Variants in NAPB observed in about 807,000 individuals in gnomAD.
NAPB encodes the protein NSF attachment protein beta.
In NAPB, 26 loss-of-function variants were observed where a neutral mutation model predicts 44.7. That is an observed-to-expected ratio of 0.58 (90% confidence interval 0.43 to 0.81). The LOEUF is 0.81. Among genes scored for constraint, NAPB ranks in the 30% least tolerant of loss-of-function variants. The pLI, the probability that NAPB is intolerant of heterozygous loss-of-function variation, is 0.00. For missense variants in NAPB, 315 were observed against 356.4 expected (o/e 0.88, Z 0.94); for synonymous variants, 120 against 116.8 (o/e 1.03, Z -0.18).
intron 3 of NAPB, 23 bp downstream of exon 3, chr20:23,397,049 T>C (rs1460863576): frequency 1.2e-6 from 2 of 1,607,328 alleles, no homozygotes; most frequent in Non-Finnish European, 8.5e-7. Context: ...AGAGATAGCA[T>C]GCTACATGCC....
intron 1 of NAPB, among the ~76,000 whole-genome samples, chr20:23,403,603 C>CGAAAAAAAAAAAAA (rs1985016884): frequency 8.3e-6 from 1 of 121,144 alleles, no homozygotes; most frequent in Non-Finnish European, 1.7e-5. Context: ...AACTATGTCT[C>CGAAAAAAAAAAAAA]AAAAAAAAAA....
intron 3 of NAPB, among the ~76,000 whole-genome samples, chr20:23,396,170 T>A (rs1321505148): frequency 6.6e-6 from 1 of 152,246 alleles, no homozygotes; most frequent in Non-Finnish European, 1.5e-5. Context: ...CTCATGTGCT[T>A]CTTTAATTGA....
chr20:23,397,956 G>A (rs927134554), intron 2 of NAPB, among the ~76,000 whole-genome samples: 6 of 152,118 alleles, frequency 3.9e-5, no homozygotes, highest in Non-Finnish European at 8.8e-5. Flanking sequence ...CTGGAGTGCT[G>A]GAAAAGAAAG....
At chr20:23,403,392 C>A (rs952103012) in intron 1 of NAPB, among the ~76,000 whole-genome samples, 2 of 152,172 alleles carry the variant, frequency 1.3e-5, no homozygotes, top group Admixed American at 1.3e-4. Context: ...CACCTGAGGT[C>A]AGGTGTTCGA....
Position 23,397,060 on chromosome 20 carries a change from T to C in NAPB, c.295+12A>G, listed in dbSNP as rs1984419962. 6.2e-7 allele frequency: 1 copy of C among 1,611,470 alleles called. No homozygotes were observed. The highest frequency in any genetic ancestry group is 1.3e-5 in the African/African-American group (1 of 74,890). On this transcript the variant is annotated intron_variant, in intron 3 of 10. Transcript: ENST00000377026. ...ACACAGAGATAGCATGCTACATGCC[T>C]GGCTGTCTTACCTTGGGGATCTGCC...
intron 5 of NAPB, 97 bp from the exon 6 acceptor site, chr20:23,390,361 C>A: frequency 9.8e-7 from 1 of 1,016,050 alleles, no homozygotes; most frequent in South Asian, 1.4e-5. Context: ...TAAACCTACT[C>A]TACCAGCAAA....
intron 1 of NAPB, among the ~76,000 whole-genome samples, chr20:23,411,534 G>A (rs1386663253): frequency 6.6e-6 from 1 of 151,994 alleles, no homozygotes; most frequent in Non-Finnish European, 1.5e-5. Flanking sequence ...AATGACTGGT[G>A]GTGTCACTGC....
chr20:23,405,345 GAA>G (rs1985168642), intron 1 of NAPB, among the ~76,000 whole-genome samples: 1 of 151,970 alleles, frequency 6.6e-6, no homozygotes, highest in Admixed American at 6.6e-5. Context: ...GAAAGAGAAT[GAA>G]AGAGAGAGAT....
At chr20:23,413,458 C>T (rs1600600913) in intron 1 of NAPB, among the ~76,000 whole-genome samples, 1 of 151,960 alleles carries the variant, frequency 6.6e-6, no homozygotes, top group Non-Finnish European at 1.5e-5. Context: ...ATAAACACCT[C>T]CCTAGAAAAA....
chr20:23,420,622 T>G (rs1201017069), intron 1 of NAPB, among the ~76,000 whole-genome samples: 1 of 151,994 alleles, frequency 6.6e-6, no homozygotes, highest in African/African-American at 2.4e-5. Context: ...GATACGGGCT[T>G]CAGCGTGGCG....
At chr20:23,407,007 C>T (rs1422227433) in intron 1 of NAPB, among the ~76,000 whole-genome samples, 1 of 152,096 alleles carries the variant, frequency 6.6e-6, no homozygotes, top group Non-Finnish European at 1.5e-5. Context: ...GAGAAAATGG[C>T]ATCTAGAGGA....
chr20:23,384,087 G>A (rs553748324), intron 7 of NAPB, among the ~76,000 whole-genome samples: 1 of 152,270 alleles, frequency 6.6e-6, no homozygotes, highest in African/African-American at 2.4e-5. Flanking sequence ...ACCAAATGTG[G>A]ATTGAAAATA....
At chr20:23,396,430 T>C (rs957147857) in intron 3 of NAPB, among the ~76,000 whole-genome samples, 6 of 152,232 alleles carry the variant, frequency 3.9e-5, no homozygotes, top group African/African-American at 1.2e-4. Flanking sequence ...AATGGACTGC[T>C]AAAAGAAAAA....
rs200464480 is a variant in NAPB, at chr20:23,403,603, C to CAA, written c.99-533_99-532dup. ...GGGCAACAAGAGCAAAACTATGTCT[C>CAA]AAAAAAAAAAAAGACTCAAACACAG... On this transcript the variant is annotated intron_variant, in intron 1 of 10. Coordinates refer to ENST00000377026, the MANE Select transcript of NAPB (RefSeq NM_022080.3). 1.5e-4 allele frequency among the ~76,000 whole-genome samples: 18 copies of CAA among 121,170 alleles called. 1 individual carries two copies. The highest frequency in any genetic ancestry group is 2.8e-4 in the South Asian group (1 of 3,616). 79.5% of individuals were successfully genotyped at this position (121,170 alleles called of 152,430 possible).
rs776730321 is a variant in NAPB at position 23,397,173 on chromosome 20, A to T, written c.194T>A (p.Phe65Tyr). The change falls in exon 3 of 11, where the codon TTT (phenylalanine) becomes TAT (tyrosine). Residue 65 changes from phenylalanine (F) to tyrosine (Y), a missense_variant. This residue lies in a region of NAPB where 179 missense variants were observed against 182.5 expected (regional missense o/e 0.98). Transcript: ENST00000377026. Reference sequence around the variant, plus strand: ...CATGTGGAGCTTGGCTGCCTGACAAAATGCGTTTCCTGCAGCTGAAGAAGA... The same window carrying T: ...CATGTGGAGCTTGGCTGCCTGACAATATGCGTTTCCTGCAGCTGAAGAAGA... ...AKNWSAAGNA[F>Y]CQAAKLHMQL... 1 of 1,612,148 alleles carries T rather than the reference A, an allele frequency of 6.2e-7. No homozygotes were observed. The highest frequency in any genetic ancestry group is 8.5e-7 in the Non-Finnish European group (1 of 1,178,560).
chr20:23,420,539 C>G (rs6048792), intron 1 of NAPB, among the ~76,000 whole-genome samples: 8,246 of 152,060 alleles, frequency 0.054, 457 homozygotes, highest in African/African-American at 0.14. Flanking sequence ...GCGTTCCAGG[C>G]GCCGGGGGCG....
intron 7 of NAPB, among the ~76,000 whole-genome samples, chr20:23,386,515 T>G (rs959299140): frequency 1.6e-4 from 25 of 152,194 alleles, no homozygotes; most frequent in African/African-American, 5.5e-4. Context: ...ATATCCTTTA[T>G]GAACATAGAC....
At chr20:23,390,638 G>A (rs1983875742) in intron 5 of NAPB, among the ~76,000 whole-genome samples, 1 of 152,198 alleles carries the variant, frequency 6.6e-6, no homozygotes, top group African/African-American at 2.4e-5. Flanking sequence ...CACTTCCCAT[G>A]AGCTAGGAGG....
chr20:23,380,905 C>A, intron 8 of NAPB: 1 of 244,060 alleles, frequency 4.1e-6, no homozygotes, highest in South Asian at 5.4e-5. Flanking sequence ...AAGCCTATAG[C>A]ACTAAATATT....
Sources: allele counts gnomAD v4.1 joint callset (sites outside exome capture counted in the v4.1 genomes callset), GRCh38; gene constraint gnomAD v4.1.1; regional missense constraint gnomAD v4.1.1; transcripts MANE v1.5; gene names NCBI Gene and HGNC (gene_info 2026-07-23, HGNC 2026-07-21).